Variants in TLL2 observed in about 807,000 individuals in gnomAD.
TLL2 encodes tolloid like 2.
In TLL2, 106 loss-of-function variants were observed where a neutral mutation model predicts 123.0. That is an observed-to-expected ratio of 0.86 (90% CI 0.74 to 1.01). TLL2 has a LOEUF of 1.01. Among genes scored for constraint, TLL2 ranks in the 50% least tolerant of loss-of-function variants. The probability of loss-of-function intolerance (pLI) is 0.00; values close to 1 mark genes in which losing one functional copy is unlikely to be tolerated. For missense variants in TLL2, 1,332 were observed against 1,336.7 expected, an observed-to-expected ratio of 1.00 and a Z score of 0.06; for synonymous variants, 494 against 516.8, an observed-to-expected ratio of 0.96 and a Z score of 0.60.
At chr10:96,435,199 T>C (rs1298202870) in intron 3 of TLL2, among the ~76,000 whole-genome samples, 2 of 151,748 alleles carry the variant, frequency 1.3e-5, no homozygotes, top group African/African-American at 4.8e-5. Flanking sequence ...ACCCAGCTAA[T>C]TTTTTGTATT....
intron 2 of TLL2, among the ~76,000 whole-genome samples, chr10:96,475,265 C>G (rs138466501): frequency 7.2e-5 from 11 of 152,328 alleles, no homozygotes; most frequent in African/African-American, 2.6e-4. Flanking sequence ...GCTGTGAATC[C>G]TAAAGCTGTC....
At chr10:96,456,157 T>C (rs1476420328) in intron 2 of TLL2, among the ~76,000 whole-genome samples, 1 of 152,198 alleles carries the variant, frequency 6.6e-6, no homozygotes, top group Non-Finnish European at 1.5e-5. Context: ...CATCTGACTC[T>C]ACCGATAGCC....
At chr10:96,388,681 C>T (rs1412688604) in intron 13 of TLL2, among the ~76,000 whole-genome samples, 1 of 152,192 alleles carries the variant, frequency 6.6e-6, no homozygotes, top group Admixed American at 6.5e-5. Context: ...AAAACACAAA[C>T]CCTCCAATCA....
chr10:96,420,997 G>C lies in TLL2; in HGVS notation c.882C>G (p.Asp294Glu), dbSNP rs1477613750. 3 of 1,614,088 alleles carry C rather than the reference G, an allele frequency of 1.9e-6. No homozygotes were observed. The South Asian group carries it at 3.3e-5, about 18-fold the overall frequency. ...GEVSSLGETY[D>E]FDSIMHYARN... The stretch of plus-strand genomic sequence containing the variant: ...GGGCGTAGTGCATGATGCTGTCAAA[G>C]TCGTATGTCTCTCCCAGAGAGCTCA... Residue 294 changes from aspartate to glutamate, a missense_variant, in exon 7 of 21, where the codon GAC becomes GAG. Physicochemically the swap from Asp to Glu is conservative, Grantham distance 45 (BLOSUM62 2). Coordinates refer to ENST00000357947, the MANE Select transcript of TLL2 (RefSeq NM_012465.4).
intron 5 of TLL2, among the ~76,000 whole-genome samples, chr10:96,426,387 C>T (rs897454183): frequency 6.6e-6 from 1 of 152,076 alleles, no homozygotes; most frequent in African/African-American, 2.4e-5. Context: ...TTGGTGCCAT[C>T]CTTTTCATTT....
In TLL2 at chr10:96,476,871, C is replaced by CACACACACAG. The variant is rs1554939718; in HGVS notation, c.286+3477_286+3478insCTGTGTGTGT. Among the ~76,000 whole-genome samples the CACACACACAG allele has an allele frequency of 2.5e-3, 339 of 136,002 alleles. 2 individuals are homozygous for CACACACACAG. The highest frequency in any genetic ancestry group is 9.0e-3 in the African/African-American group (312 of 34,584). 89.2% of individuals were successfully genotyped at this position (136,002 alleles called of 152,430 possible). ...CCCTTTTATGTTACACACACACACA[C>CACACACACAG]ACACACACACACACACACACACACA... On this transcript the variant is annotated intron_variant, in intron 2 of 20. Coordinates refer to ENST00000357947, the MANE Select transcript of TLL2 (RefSeq NM_012465.4).
At chr10:96,383,878 G>A (rs145650657) in intron 16 of TLL2, among the ~76,000 whole-genome samples, 4 of 151,234 alleles carry the variant, frequency 2.6e-5, no homozygotes, top group Admixed American at 1.3e-4. Flanking sequence ...TGATCTGCCC[G>A]CCTCGGCCTC....
intron 7 of TLL2, among the ~76,000 whole-genome samples, chr10:96,420,115 G>A (rs1025584017): frequency 1.3e-5 from 2 of 151,954 alleles, no homozygotes; most frequent in South Asian, 2.1e-4. Flanking sequence ...TCCTTTTGGG[G>A]GAAGACTAAA....
chr10:96,421,209 G>T, intron 6 of TLL2, 148 bp from the exon 7 acceptor site: 2 of 612,894 alleles, frequency 3.3e-6, no homozygotes, highest in Middle Eastern at 2.7e-4. Flanking sequence ...GGTTCTTGTT[G>T]TTTTTAATAA....
At chr10:96,490,342 T>C (rs1425182623) in intron 1 of TLL2, among the ~76,000 whole-genome samples, 1 of 152,192 alleles carries the variant, frequency 6.6e-6, no homozygotes, top group Non-Finnish European at 1.5e-5. Context: ...CAAGATGATA[T>C]TAATGTTAAT....
At chr10:96,441,824 C>T (rs1464864924) in intron 3 of TLL2, among the ~76,000 whole-genome samples, 1 of 152,178 alleles carries the variant, frequency 6.6e-6, no homozygotes, top group East Asian at 1.9e-4. Context: ...AGTTGTTACA[C>T]CCAAGTAAAC....
intron 3 of TLL2, among the ~76,000 whole-genome samples, chr10:96,437,256 T>C (rs991826473): frequency 6.6e-6 from 1 of 152,214 alleles, no homozygotes; most frequent in East Asian, 1.9e-4. Context: ...GAAGTTGTAA[T>C]AAATAATACA....
chr10:96,472,117 C>G (rs941473639), intron 2 of TLL2, among the ~76,000 whole-genome samples: 3 of 152,160 alleles, frequency 2.0e-5, no homozygotes, highest in Non-Finnish European at 2.9e-5. Flanking sequence ...GCCCCTGTGA[C>G]TCTTCAGATT....
intron 1 of TLL2, among the ~76,000 whole-genome samples, chr10:96,486,817 C>G (rs909525129): frequency 6.6e-6 from 1 of 152,194 alleles, no homozygotes; most frequent in African/African-American, 2.4e-5. Context: ...CAGCGGGGGC[C>G]GCTCTGCAGC....
At chr10:96,416,919 C>A (rs984486137) in intron 7 of TLL2, among the ~76,000 whole-genome samples, 1 of 152,152 alleles carries the variant, frequency 6.6e-6, no homozygotes, top group African/African-American at 2.4e-5. Context: ...ACAAAGAGGC[C>A]CCTGTACAAG....
chr10:96,446,059 G>A, intron 3 of TLL2, 32 bp downstream of exon 3: 1 of 1,608,282 alleles, frequency 6.2e-7, no homozygotes, highest in Non-Finnish European at 8.5e-7. Context: ...AGAAAACAAG[G>A]TACCCAAAGA....
At chr10:96,511,316 T>C (rs1354270073) in intron 1 of TLL2, among the ~76,000 whole-genome samples, 4 of 152,222 alleles carry the variant, frequency 2.6e-5, no homozygotes, top group African/African-American at 9.6e-5. Context: ...TCCAGACAGC[T>C]GTTCTCCAGG....
intron 2 of TLL2, among the ~76,000 whole-genome samples, chr10:96,476,247 TTTTG>T (rs1847250213): frequency 8.7e-6 from 1 of 115,346 alleles, no homozygotes; most frequent in African/African-American, 3.3e-5. Context: ...TATATTTTAT[TTTTG>T]TTGTTGTTGT....
At chr10:96,476,367 TCTC>T (rs1271220939) in intron 2 of TLL2, among the ~76,000 whole-genome samples, 1 of 150,222 alleles carries the variant, frequency 6.7e-6, no homozygotes, top group African/African-American at 2.5e-5. Context: ...TTCCAGCAAT[TCTC>T]CTGCCTCAGC....
Sources: gnomAD v4.1 joint callset for allele counts (sites outside exome capture counted in the v4.1 genomes callset) on GRCh38, gnomAD v4.1.1 for gene constraint, MANE v1.5 for transcripts, NCBI Gene and HGNC (gene_info 2026-07-23, HGNC 2026-07-21) for gene names.